The following TNIP1 variants were observed in gnomAD, a reference collection of about 807,000 sequenced individuals.
The protein encoded by TNIP1 is TNFAIP3-interacting protein 1.
Under a neutral mutation model 86.6 loss-of-function variants are expected in TNIP1, and 22 were observed. The ratio of observed to expected loss-of-function variants is 0.25; its 90% CI spans 0.18 to 0.36. The LOEUF (loss-of-function observed/expected upper bound fraction) is 0.36, where lower values mean the gene tolerates loss of function less well. TNIP1 is among the 10% of genes least tolerant of loss of function. TNIP1 has a pLI of 1.00. For missense variants in TNIP1, 709 were observed against 820.6 expected (o/e 0.86, Z 1.66); for synonymous variants, 294 against 313.0 (o/e 0.94, Z 0.64).
chr5:151,064,480 T>C (rs77921455), intron 2 of TNIP1, among the ~76,000 whole-genome samples: 1,652 of 143,736 alleles, frequency 0.011, 32 homozygotes, highest in African/African-American at 0.041. Context: ...GGAGGTGGGG[T>C]TGTTCTAAAG....
intron 5 of TNIP1, among the ~76,000 whole-genome samples, chr5:151,057,660 T>A (rs1760846321): frequency 6.6e-6 from 1 of 152,120 alleles, no homozygotes; most frequent in Admixed American, 6.5e-5. Flanking sequence ...GAGGTTGCAG[T>A]GAGCAGAGAT....
intron 16 of TNIP1, chr5:151,032,744 G>A (rs1757066641): frequency 3.8e-6 from 1 of 263,128 alleles, no homozygotes; most frequent in South Asian, 4.0e-5. Flanking sequence ...TGGTCCAGGG[G>A]AGAGCTGGGA....
At chr5:151,052,345 T>C in intron 6 of TNIP1, 86 bp from the exon 7 acceptor site, 1 of 1,126,064 alleles carries the variant, frequency 8.9e-7, no homozygotes, top group South Asian at 1.3e-5. Flanking sequence ...GGGGGGCCTG[T>C]AGCCACCCCA....
chr5:151,062,198 C>T lies in TNIP1; in HGVS notation c.286G>A (p.Val96Ile). Reference sequence around the variant, plus strand: ...GCAGGGGCTGTGGGAGATGCTGTGACATTTGAGTCCTTTCCTGGAGAATCA... The same window carrying T: ...GCAGGGGCTGTGGGAGATGCTGTGATATTTGAGTCCTTTCCTGGAGAATCA... ...LAELTGKDSN[V>I]TASPTAPACP... The change falls in exon 4 of 18, where the codon GTC becomes ATC. Residue 96 changes from valine (V) to isoleucine (I), a missense_variant. By Grantham distance (29) the Val-to-Ile change is conservative. Transcript: ENST00000521591. The T allele has an allele frequency of 6.2e-7, 1 of 1,614,080 alleles. No individual in the cohort carries two copies. Among genetic ancestry groups the T allele is most frequent in the African/African-American group, 1.3e-5 (1 of 75,034 alleles).
intron 5 of TNIP1, among the ~76,000 whole-genome samples, chr5:151,059,948 C>G (rs1761330589): frequency 6.6e-6 from 1 of 151,660 alleles, no homozygotes; most frequent in African/African-American, 2.4e-5. Flanking sequence ...AAGAGCAAAT[C>G]ACCTGTCTTA....
At chr5:151,049,732 G>A in intron 8 of TNIP1, 92 bp downstream of exon 8, 3 of 1,482,236 alleles carry the variant, frequency 2.0e-6, no homozygotes, top group Middle Eastern at 3.9e-4. Context: ...ACTGGCTGCA[G>A]GAGGGAGGAG....
At chr5:151,072,714 G>T (rs1481486718) in intron 1 of TNIP1, among the ~76,000 whole-genome samples, 4 of 151,702 alleles carry the variant, frequency 2.6e-5, no homozygotes, top group African/African-American at 7.3e-5. Context: ...ATCTCTAGTT[G>T]GTTCTAGCAC....
intron 14 of TNIP1, 93 bp from the exon 15 acceptor site, chr5:151,035,160 G>A (rs955512961): frequency 4.3e-5 from 60 of 1,391,338 alleles, no homozygotes; most frequent in South Asian, 6.1e-5. Flanking sequence ...AGGACTGACC[G>A]GCTGATGCTT....
intron 6 of TNIP1, among the ~76,000 whole-genome samples, chr5:151,052,862 CAA>C (rs1453524146): frequency 3.3e-5 from 5 of 152,174 alleles, no homozygotes; most frequent in African/African-American, 1.2e-4. Flanking sequence ...GCCCCCAGCT[CAA>C]AGTTTGTGGA....
intron 12 of TNIP1, 75 bp from the exon 13 acceptor site, chr5:151,036,996 G>T (rs1019519536): frequency 6.0e-6 from 9 of 1,498,200 alleles, no homozygotes; most frequent in Non-Finnish European, 8.0e-6. Flanking sequence ...TCATCCTCAG[G>T]GAACTCCTTC....
chr5:151,052,718 C>T (rs1015875412), intron 6 of TNIP1, among the ~76,000 whole-genome samples: 4 of 152,212 alleles, frequency 2.6e-5, no homozygotes, highest in Non-Finnish European at 5.9e-5. Flanking sequence ...CTTCTCAGCA[C>T]CTGTGGCAGA....
At chr5:151,053,591 G>A (rs1010592619) in intron 6 of TNIP1, among the ~76,000 whole-genome samples, 2 of 152,208 alleles carry the variant, frequency 1.3e-5, no homozygotes, top group Admixed American at 6.5e-5. Flanking sequence ...TCACAGGCTG[G>A]GGGGAAGGGA....
chr5:151,035,637 T>A lies in TNIP1; in HGVS notation c.1466A>T (p.Glu489Val). 6.2e-7 allele frequency: 1 copy of A among 1,614,192 alleles called. No individual in the cohort carries two copies. The highest frequency in any genetic ancestry group is 1.1e-5 in the South Asian group (1 of 91,086). The change falls in exon 14 of 18, where the codon GAG becomes GTG. Residue 489 changes from glutamate to valine, a missense_variant. Transcript: ENST00000521591. ...CAGCTTCTCCACTTGCTTCTTCAGCTCTTCCTTCTCCTCATTCATGCGCTC... is the reference window on the plus strand; with the variant it reads ...CAGCTTCTCCACTTGCTTCTTCAGCACTTCCTTCTCCTCATTCATGCGCTC... Reference protein sequence around the residue: ...DRERMNEEKEELKKQVEKLQA... With the variant: ...DRERMNEEKEVLKKQVEKLQA...
intron 1 of TNIP1, among the ~76,000 whole-genome samples, chr5:151,079,836 CTT>C: frequency 6.6e-6 from 1 of 152,258 alleles, no homozygotes; most frequent in Non-Finnish European, 1.5e-5. Context: ...TCTGAGTCCC[CTT>C]TTCTGACCTC....
chr5:151,072,050 G>A (rs897780656), intron 1 of TNIP1, among the ~76,000 whole-genome samples: 3 of 152,194 alleles, frequency 2.0e-5, no homozygotes, highest in Admixed American at 1.3e-4. Flanking sequence ...GAAACCAGTC[G>A]ACGCAGCTAC....
chr5:151,041,900 T>A (rs1034348778), intron 11 of TNIP1, among the ~76,000 whole-genome samples: 1 of 150,190 alleles, frequency 6.7e-6, no homozygotes, highest in African/African-American at 2.5e-5. Context: ...CTTGGCAGCA[T>A]CCCACCCCAC....
chr5:151,087,021 A>G (rs1167260873), intron 1 of TNIP1: 2 of 152,456 alleles, frequency 1.3e-5, no homozygotes, highest in African/African-American at 2.4e-5. Flanking sequence ...TGCTTGCCCC[A>G]GCACCCTTGT....
chr5:151,059,008 C>T (rs539241319), intron 5 of TNIP1, among the ~76,000 whole-genome samples: 99 of 152,318 alleles, frequency 6.5e-4, no homozygotes, highest in Non-Finnish European at 1.0e-3. Context: ...TGCATCCATT[C>T]CCCCACTGCC....
chr5:151,081,483 A>G (rs529755244), upstream of TNIP1, among the ~76,000 whole-genome samples: 1 of 152,314 alleles, frequency 6.6e-6, no homozygotes, highest in South Asian at 2.1e-4. Context: ...AGTTCCGTCC[A>G]GGGCACTCCA....
Sources: gnomAD v4.1 joint callset for allele counts (sites outside exome capture counted in the v4.1 genomes callset) on GRCh38, gnomAD v4.1.1 for gene constraint, MANE v1.5 for transcripts, NCBI Gene and HGNC (gene_info 2026-07-23, HGNC 2026-07-21) for gene names.